The following XIRP1 variants were observed in gnomAD, a reference collection of about 807,000 sequenced individuals.
XIRP1 encodes xin actin-binding repeat-containing protein 1.
For synonymous variants in XIRP1, 984 were observed against 947.0 expected (o/e 1.04, Z -0.72); for missense variants, 2,378 against 2,345.4 (o/e 1.01, Z -0.29).
Position 39,183,686 on chromosome 3 carries a change from C to T in XIRP1, c.*228G>A, listed in dbSNP as rs990992299. 2.4e-5 allele frequency: 16 copies of T among 672,286 alleles called. No individual in the cohort carries two copies. The highest frequency in any genetic ancestry group is 3.1e-5 in the Non-Finnish European group (13 of 421,810). The allele number at this position is 672,286 out of a possible 1,614,324, so 41.6% of individuals were successfully genotyped here. On this transcript the variant is annotated 3_prime_UTR_variant, in exon 2 of 2. Transcript: ENST00000340369. ...CAAGCAGCTGGGAGCCCCCATCCTA[C>T]CCCCACGCCTGTGCAACTCTGTGGG...
chr3:39,187,504 C>G lies in XIRP1; in HGVS notation c.1942G>C (p.Val648Leu). 1 of 1,614,064 alleles carries G rather than the reference C, an allele frequency of 6.2e-7. No individual in the cohort carries two copies. The highest frequency in any genetic ancestry group is 8.5e-7 in the Non-Finnish European group (1 of 1,180,046). Residue 648 changes from valine to leucine, a missense_variant, in exon 2 of 2, where the codon GTT becomes CTT. Transcript: ENST00000340369. ...PVGSREQHLQ[V>L]SQVPAGERQT... is the part of the protein sequence containing the mutation. The stretch of plus-strand genomic sequence containing the variant: ...CTTTCCCCAGCCGGGACCTGGCTAA[C>G]CTGCAGGTGCTGCTCCCTGGAGCCC...
chr3:39,184,794 T>A lies in XIRP1; in HGVS notation c.4652A>T (p.Glu1551Val). ...EQTLARLLDI[E>V]EAVHKALSSM... ...GCTGAGTGCCTTGTGCACAGCCTCT[T>A]CAATGTCCAGCAGCCTTGCCAAGGT... Residue 1551 changes from glutamate to valine, a missense_variant, in exon 2 of 2, where the codon GAA becomes GTA. Transcript: ENST00000340369. 1 of 1,614,218 alleles carries A rather than the reference T, an allele frequency of 6.2e-7. No individual in the cohort carries two copies. The highest frequency in any genetic ancestry group is 8.5e-7 in the Non-Finnish European group (1 of 1,180,032).
At position 39,186,172 on chromosome 3, in the gene XIRP1, C is replaced by T. The variant is rs763109846; in HGVS notation, c.3274G>A (p.Gly1092Ser). ...TGGGTAGCCCCAGCTTTCCGAAGACCGTCCTGGATGGGGTTGGAAGTGGCT... is the reference window on the plus strand; with the variant it reads ...TGGGTAGCCCCAGCTTTCCGAAGACTGTCCTGGATGGGGTTGGAAGTGGCT... ...PTATSNPIQD[G>S]LRKAGATQSN... Residue 1092 changes from glycine (G) to serine (S), a missense_variant, in exon 2 of 2, where the codon GGT becomes AGT. Gly to Ser is a moderately conservative substitution (Grantham distance 56). Transcript: ENST00000340369. 8 of 1,613,792 alleles carry T rather than the reference C, an allele frequency of 5.0e-6. No individual in the cohort carries two copies. The highest frequency in any genetic ancestry group is 2.7e-5 in the African/African-American group (2 of 75,066).
Position 39,187,029 on chromosome 3 carries a change from A to G in XIRP1, c.2417T>C (p.Val806Ala), listed in dbSNP as rs1394927876. The change falls in exon 2 of 2, where the codon GTG (valine) becomes GCG (alanine). Residue 806 changes from valine (V) to alanine (A), a missense_variant. By Grantham distance (64) the Val-to-Ala change is moderately conservative. Transcript: ENST00000340369. ...GTGCCCCTGCCCTGTGCCCGAGAGCACATACTTGGCAAGACAGAGCTCCCC... is the reference window on the plus strand; with the variant it reads ...GTGCCCCTGCCCTGTGCCCGAGAGCGCATACTTGGCAAGACAGAGCTCCCC... ...GPGELCLAKY[V>A]LSGTGQGHPY... 2 of 1,609,578 alleles carry G rather than the reference A, an allele frequency of 1.2e-6. No individual in the cohort carries two copies. The highest frequency in any genetic ancestry group is 1.7e-5 in the Admixed American group (1 of 59,954).
chr3:39,185,564 G>A lies in XIRP1; in HGVS notation c.3882C>T (p.Ser1294=). The A allele has an allele frequency of 6.3e-7, 1 of 1,577,568 alleles. No homozygotes were observed. Among genetic ancestry groups the A allele is most frequent in the Middle Eastern group, 1.7e-4 (1 of 5,872 alleles). Residue 1294 remains serine (S), a synonymous_variant, in exon 2 of 2, where the codon TCC becomes TCT. Coordinates refer to ENST00000340369, the MANE Select transcript of XIRP1 (RefSeq NM_194293.4). ...SEPLKDPLLH[S]HSSPAGQRTP... is the part of the protein sequence containing the mutation. The stretch of plus-strand genomic sequence containing the variant: ...TTCTCTGGCCAGCAGGGCTGCTGTG[G>A]GAGTGAAGAAGGGGGTCCTTCAGGG...
At position 39,189,030 on chromosome 3, in the gene XIRP1, G is replaced by A; in HGVS notation, c.416C>T (p.Thr139Ile). The A allele has an allele frequency of 1.9e-6, 3 of 1,614,074 alleles. No individual in the cohort carries two copies. The highest frequency in any genetic ancestry group is 2.5e-6 in the Non-Finnish European group (3 of 1,180,042). ...CTGGGGCCTGGTTGGCTCCTGGTCT[G>A]TGCTGTTGGCAAAGGAGCCTTCCTC... Reference protein sequence around the residue: ...KFEEGSFANSTDQEPTRPQPG... With the variant: ...KFEEGSFANSIDQEPTRPQPG... Residue 139 changes from threonine to isoleucine, a missense_variant, in exon 2 of 2, where the codon ACA (threonine) becomes ATA (isoleucine). Thr to Ile is a moderately conservative substitution (Grantham distance 89). Coordinates refer to ENST00000340369, the MANE Select transcript of XIRP1 (RefSeq NM_194293.4).
chr3:39,191,689 C>G (rs1053843371), intron 1 of XIRP1, among the ~76,000 whole-genome samples: 3 of 152,180 alleles, frequency 2.0e-5, no homozygotes, highest in Admixed American at 2.0e-4. Context: ...AAGAACTGTC[C>G]TAGAGCTTGG....
At position 39,189,263 on chromosome 3, in the gene XIRP1, G is replaced by A. The variant is rs1284690396; in HGVS notation, c.183C>T (p.Ile61=). 4 of 1,613,902 alleles carry A rather than the reference G, an allele frequency of 2.5e-6. No individual in the cohort carries two copies. The highest frequency in any genetic ancestry group is 2.5e-6 in the Non-Finnish European group (3 of 1,180,008). The change falls in exon 2 of 2, where the codon ATC becomes ATT. Residue 61 remains isoleucine, a synonymous_variant. Transcript: ENST00000340369. ...CCAGATTCTTGCGGAGCTCAGGGTG[G>A]ATGTGCCTGTAGAGGCGGCGGAGCT... ...ASELRRLYRH[I]HPELRKNLAE...
rs765481544 is a variant in XIRP1 at position 39,185,986 on chromosome 3, G to T, written c.3460C>A (p.Pro1154Thr). Residue 1154 changes from proline (P) to threonine (T), a missense_variant, in exon 2 of 2, where the codon CCT (proline) becomes ACT (threonine). Coordinates refer to ENST00000340369, the MANE Select transcript of XIRP1 (RefSeq NM_194293.4). ...CTCTGAGAAAGCTGGACACCCCCAG[G>T]TGGGTCAAAGGTCCTCACGGGATGA... ...TAHPVRTFDP[P>T]GGVQLSQREP... 3 of 1,614,174 alleles carry T rather than the reference G, an allele frequency of 1.9e-6. No homozygotes were observed. The highest frequency in any genetic ancestry group is 1.1e-5 in the South Asian group (1 of 91,092).
Position 39,188,599 on chromosome 3 carries a change from G to A in XIRP1, c.847C>T (p.Gln283Ter). Residue 283 changes from glutamine (Q) to a stop codon, truncating the protein, a stop_gained, in exon 2 of 2, where the codon CAG (glutamine) becomes TAG (stop). Coordinates refer to ENST00000340369, the MANE Select transcript of XIRP1 (RefSeq NM_194293.4). LOFTEE classifies it low-confidence loss of function (END_TRUNC). Reference protein sequence around the residue: ...FETRPLDAINQDPSQVRVIRG... With the variant: ...FETRPLDAIN Reference sequence around the variant, plus strand: ...ATCACCCGCACCTGGCTGGGGTCCTGGTTGATGGCGTCCAGAGGCCGGGTC... The same window carrying A: ...ATCACCCGCACCTGGCTGGGGTCCTAGTTGATGGCGTCCAGAGGCCGGGTC... 2 of 1,613,848 alleles carry A rather than the reference G, an allele frequency of 1.2e-6. No homozygotes were observed. The highest frequency in any genetic ancestry group is 1.7e-6 in the Non-Finnish European group (2 of 1,180,008).
Position 39,188,346 on chromosome 3 carries a change from G to A in XIRP1, c.1100C>T (p.Ala367Val), listed in dbSNP as rs764723781. The stretch of plus-strand genomic sequence containing the variant: ...AGGGACCACTTCCTCCTTGGGTGGG[G>A]CCTCTGCTCCAGCCTCTTCGTCCCC... The part of the protein sequence containing the change: ...LKGDEEAGAE[A>V]PPKEEVVPGD... Residue 367 changes from alanine (A) to valine (V), a missense_variant, in exon 2 of 2, where the codon GCC becomes GTC. Coordinates refer to ENST00000340369, the MANE Select transcript of XIRP1 (RefSeq NM_194293.4). The A allele has an allele frequency of 1.9e-6, 3 of 1,614,128 alleles. No homozygotes were observed. The highest frequency in any genetic ancestry group is 2.5e-6 in the Non-Finnish European group (3 of 1,180,024).
intron 1 of XIRP1, among the ~76,000 whole-genome samples, chr3:39,191,727 G>A (rs770001899): frequency 6.9e-4 from 105 of 151,116 alleles, no homozygotes; most frequent in Non-Finnish European, 1.3e-3. Flanking sequence ...AGCCTCTCAG[G>A]ATGGTCCCCC....
Position 39,185,696 on chromosome 3 carries a change from A to T in XIRP1, c.3750T>A (p.His1250Gln), listed in dbSNP as rs781509823. 4 of 1,612,634 alleles carry T rather than the reference A, an allele frequency of 2.5e-6. No homozygotes were observed. The South Asian group carries it at 3.3e-5, about 13-fold the overall frequency. The change falls in exon 2 of 2, where the codon CAT becomes CAA. Residue 1250 changes from histidine (H) to glutamine (Q), a missense_variant. By Grantham distance (24) the His-to-Gln change is conservative (BLOSUM62 0). Coordinates refer to ENST00000340369, the MANE Select transcript of XIRP1 (RefSeq NM_194293.4). ...PQAAGASPHPHNAFVPPPPTL... is the reference protein window; with the variant it reads ...PQAAGASPHPQNAFVPPPPTL... ...TAGGAGGAGGAGGAACAAAGGCATT[A>T]TGGGGGTGCGGGCTGGCACCTGCAG...
chr3:39,191,637 C>T (rs981033764), intron 1 of XIRP1, among the ~76,000 whole-genome samples: 4 of 152,182 alleles, frequency 2.6e-5, no homozygotes, highest in Admixed American at 6.5e-5. Flanking sequence ...AGAGTCAGGA[C>T]AGAATTCATA....
chr3:39,183,991 C>G lies in XIRP1; in HGVS notation c.5455G>C (p.Ala1819Pro), dbSNP rs141417156. 4.3e-6 allele frequency: 7 copies of G among 1,612,816 alleles called. No individual in the cohort carries two copies. Among genetic ancestry groups the G allele is most frequent in the Non-Finnish European group, 5.1e-6 (6 of 1,179,936 alleles). ...TCTGTCAGGTCACTGCTGAACCCAG[C>G]TGGGCTGTGCAGGAACTGCCTCAGC... is the stretch of plus-strand genomic sequence containing the variant. ...PLLRQFLHSP[A>P]GFSSDLTEAE... The change falls in exon 2 of 2, where the codon GCT (alanine) becomes CCT (proline). Residue 1819 changes from alanine (A) to proline (P), a missense_variant. Transcript: ENST00000340369.
Position 39,187,939 on chromosome 3 carries a change from G to T in XIRP1, c.1507C>A (p.Gln503Lys). The T allele has an allele frequency of 6.2e-7, 1 of 1,614,150 alleles. No individual in the cohort carries two copies. Among genetic ancestry groups the T allele is most frequent in the Non-Finnish European group, 8.5e-7 (1 of 1,180,028 alleles). The change falls in exon 2 of 2, where the codon CAG (glutamine) becomes AAG (lysine). Residue 503 changes from glutamine (Q) to lysine (K), a missense_variant. By Grantham distance (53) the Gln-to-Lys change is moderately conservative. Transcript: ENST00000340369. ...CCCTGCACATCACCTCCGACTATCT[G>T]CTCTCTGCTAACAGAGGTCAGGGCA... ...LHALTSVSRE[Q>K]IVGGDVQGYR... is the part of the protein sequence containing the mutation.
At position 39,189,425 on chromosome 3, in the gene XIRP1, CTG is replaced by C. The variant is rs2040055915; in HGVS notation, c.19_20del (p.Gln7GlyfsTer45). 2.5e-6 allele frequency: 4 copies of C among 1,598,388 alleles called. No individual in the cohort carries two copies. Among genetic ancestry groups the C allele is most frequent in the Non-Finnish European group, 3.4e-6 (4 of 1,171,946 alleles). On this transcript the variant is annotated frameshift_variant, in exon 2 of 2. Coordinates refer to ENST00000340369, the MANE Select transcript of XIRP1 (RefSeq NM_194293.4). LOFTEE classifies it low-confidence loss of function (END_TRUNC). MADTQT[Q>X]VAPTPTMRMA... is the part of the protein sequence containing the mutation. ...TCCTCATGGTTGGTGTGGGGGCCAC[CTG>C]TGTCTGGGTGTCGGCCATCCTTCTG...
rs774615831 is a variant in XIRP1 at position 39,185,865 on chromosome 3, TCCCGC to T, written c.3576_3580del (p.Arg1193GlyfsTer57). 43 of 1,613,356 alleles carry T rather than the reference TCCCGC, an allele frequency of 2.7e-5. 1 individual carries two copies. In the South Asian group the frequency reaches 4.6e-4, roughly 17 times the overall value. ...CATCTGTGTGCAGCCCCCAGGCTCC[TCCCGC>T]CCTGGCCCAGTACTCTGACCTGGGC... On this transcript the variant is annotated frameshift_variant, in exon 2 of 2. Transcript: ENST00000340369. LOFTEE classifies it low-confidence loss of function (END_TRUNC).
intron 1 of XIRP1, among the ~76,000 whole-genome samples, chr3:39,191,043 G>T (rs930213657): frequency 1.3e-5 from 2 of 152,200 alleles, no homozygotes; most frequent in East Asian, 3.9e-4. Context: ...GTCTGCACTG[G>T]GGGGAGGTAC....
Sources: allele counts gnomAD v4.1 joint callset (sites outside exome capture counted in the v4.1 genomes callset), GRCh38; gene constraint gnomAD v4.1.1; transcripts MANE v1.5; gene names NCBI Gene and HGNC (gene_info 2026-07-23, HGNC 2026-07-21).